Variants in PEBP4 observed in about 807,000 individuals in gnomAD.
PEBP4 encodes the protein phosphatidylethanolamine-binding protein 4.
Under a neutral mutation model 23.9 loss-of-function variants are expected in PEBP4, and 22 were observed. That is an observed-to-expected ratio of 0.92 (90% confidence interval 0.66 to 1.31). The LOEUF is 1.31. Among genes scored for constraint, PEBP4 ranks in the 40% most tolerant of loss-of-function variants. The probability of loss-of-function intolerance (pLI) is 0.00; values close to 1 mark genes in which losing one functional copy is unlikely to be tolerated. For missense variants in PEBP4, 324 were observed against 281.7 expected (o/e 1.15, Z -1.07); for synonymous variants, 112 against 99.3 (o/e 1.13, Z -0.76).
intron 4 of PEBP4, among the ~76,000 whole-genome samples, chr8:22,746,924 C>T (rs1218895441): frequency 6.6e-6 from 1 of 152,164 alleles, no homozygotes. Flanking sequence ...AATTACGGCT[C>T]AAGTGATCTT....
At chr8:22,811,885 C>G (rs1047017964) in intron 4 of PEBP4, among the ~76,000 whole-genome samples, 1 of 152,194 alleles carries the variant, frequency 6.6e-6, no homozygotes, top group Non-Finnish European at 1.5e-5. Flanking sequence ...GTCCAATTGT[C>G]TAAGGGAGTT....
intron 6 of PEBP4, among the ~76,000 whole-genome samples, chr8:22,715,564 G>T (rs1804399480): frequency 6.6e-6 from 1 of 152,238 alleles, no homozygotes; most frequent in Non-Finnish European, 1.5e-5. Context: ...CCCATCACGA[G>T]GCTGGGGCAA....
intron 4 of PEBP4, among the ~76,000 whole-genome samples, chr8:22,733,959 C>G (rs908473537): frequency 6.6e-6 from 1 of 151,918 alleles, no homozygotes; most frequent in Non-Finnish European, 1.5e-5. Context: ...AAACAGAGCA[C>G]TTGAGGGTGG....
At chr8:22,827,321 T>C (rs1042112682) in intron 3 of PEBP4, among the ~76,000 whole-genome samples, 8 of 152,176 alleles carry the variant, frequency 5.3e-5, no homozygotes, top group African/African-American at 1.9e-4. Context: ...TGCGCAACGA[T>C]CACCATAATC....
intron 3 of PEBP4, among the ~76,000 whole-genome samples, chr8:22,842,747 T>C (rs1807354338): frequency 6.6e-6 from 1 of 152,188 alleles, no homozygotes; most frequent in African/African-American, 2.4e-5. Context: ...GGCCCTGCAC[T>C]TAGAAGGGCA....
chr8:22,786,921 A>G (rs2128756177), intron 4 of PEBP4, among the ~76,000 whole-genome samples: 1 of 152,220 alleles, frequency 6.6e-6, no homozygotes, highest in East Asian at 1.9e-4. Context: ...CCAAGGCCCA[A>G]GTGATCCTCC....
intron 4 of PEBP4, among the ~76,000 whole-genome samples, chr8:22,773,590 C>A (rs929496173): frequency 2.0e-5 from 3 of 152,184 alleles, no homozygotes; most frequent in African/African-American, 7.2e-5. Flanking sequence ...GCTGCCTGCT[C>A]ATACCCGAAG....
intron 3 of PEBP4, among the ~76,000 whole-genome samples, chr8:22,864,239 C>A (rs1354152721): frequency 1.3e-5 from 2 of 152,206 alleles, no homozygotes; most frequent in African/African-American, 4.8e-5. Context: ...TGATTATAAA[C>A]AGGACAAACA....
chr8:22,838,185 G>C (rs1425008199), intron 3 of PEBP4, among the ~76,000 whole-genome samples: 2 of 152,212 alleles, frequency 1.3e-5, no homozygotes, highest in Non-Finnish European at 2.9e-5. Flanking sequence ...ATACATGTGA[G>C]CCACCTGCCT....
chr8:22,901,769 G>A (rs994557018), intron 3 of PEBP4, among the ~76,000 whole-genome samples: 3 of 152,184 alleles, frequency 2.0e-5, no homozygotes, highest in Non-Finnish European at 4.4e-5. Flanking sequence ...TGTACTTAGC[G>A]AGGGCACCGT....
intron 4 of PEBP4, among the ~76,000 whole-genome samples, chr8:22,773,538 G>A (rs1271742842): frequency 6.6e-6 from 1 of 152,090 alleles, no homozygotes; most frequent in African/African-American, 2.4e-5. Context: ...TGTCTCCTGG[G>A]GGCCTTTTCC....
At chr8:22,879,827 A>G (rs1274010279) in intron 3 of PEBP4, among the ~76,000 whole-genome samples, 4 of 152,256 alleles carry the variant, frequency 2.6e-5, no homozygotes, top group Non-Finnish European at 5.9e-5. Context: ...AGTTTTAATT[A>G]CCAAAATTTC....
chr8:22,865,796 G>A lies in PEBP4; in HGVS notation c.259-48061C>T, dbSNP rs1163959490. On this transcript the variant is annotated intron_variant, in intron 3 of 6. Coordinates refer to ENST00000256404, the MANE Select transcript of PEBP4 (RefSeq NM_144962.3). The surrounding 1 kb of genome is among the most constrained non-coding windows in gnomAD (Gnocchi z 6.9). The stretch of plus-strand genomic sequence containing the variant: ...GAGATCGGCGGCCACTCCCGGGGGC[G>A]CGAGCGGCGGCGCCTAGAGGGACCC... 6.6e-6 allele frequency among the ~76,000 whole-genome samples: 1 copy of A among 152,106 alleles called. No individual in the cohort carries two copies. Among genetic ancestry groups the A allele is most frequent in the African/African-American group, 2.4e-5 (1 of 41,446 alleles).
At chr8:22,866,984 G>A (rs1243087450) in intron 3 of PEBP4, among the ~76,000 whole-genome samples, 1 of 152,148 alleles carries the variant, frequency 6.6e-6, no homozygotes, top group East Asian at 1.9e-4. Context: ...ATCGGCAGGA[G>A]CATAGAGGCG....
chr8:22,743,357 G>A (rs1805040014), intron 4 of PEBP4, among the ~76,000 whole-genome samples: 3 of 152,252 alleles, frequency 2.0e-5, no homozygotes, highest in Non-Finnish European at 1.5e-5. Flanking sequence ...AGCTCTTGCT[G>A]GAGCCTCTAA....
chr8:22,821,535 G>C (rs543385837), intron 3 of PEBP4, among the ~76,000 whole-genome samples: 1 of 152,264 alleles, frequency 6.6e-6, no homozygotes, highest in East Asian at 1.9e-4. Context: ...GAAATCAACA[G>C]GGAGAGATGC....
rs1563252543 is a variant in PEBP4, at chr8:22,895,319, G to A, written c.258+24865C>T. The A allele has an allele frequency of 3.3e-5, 5 of 152,278 alleles. No homozygotes were observed. In the South Asian group the frequency reaches 1.0e-3, roughly 32 times the overall value. 9.4% of individuals were successfully genotyped at this position (152,278 alleles called of 1,614,324 possible). A position where few individuals can be genotyped will look rare whatever the true frequency, so the allele number is the denominator to read the frequency against. On this transcript the variant is annotated intron_variant, in intron 3 of 6. Coordinates refer to ENST00000256404, the MANE Select transcript of PEBP4 (RefSeq NM_144962.3). ...TATAAAGCAAGGAATCTTAATACCT[G>A]GAGAGGCATAATAATGTTGGGGTGG... is the stretch of plus-strand genomic sequence containing the variant.
At chr8:22,903,067 C>T (rs1056633462) in intron 3 of PEBP4, among the ~76,000 whole-genome samples, 5 of 152,182 alleles carry the variant, frequency 3.3e-5, no homozygotes, top group Non-Finnish European at 7.3e-5. Flanking sequence ...TCAGGTACAA[C>T]CTGAAACTTG....
intron 3 of PEBP4, among the ~76,000 whole-genome samples, chr8:22,859,366 C>G (rs1256138041): frequency 6.6e-6 from 1 of 152,208 alleles, no homozygotes; most frequent in Non-Finnish European, 1.5e-5. Context: ...TCAGACTCAT[C>G]AGGCTGGAAT....
Sources: allele counts gnomAD v4.1 joint callset (sites outside exome capture counted in the v4.1 genomes callset), GRCh38; gene constraint gnomAD v4.1.1; non-coding constraint Gnocchi (gnomAD v3.1); transcripts MANE v1.5; gene names NCBI Gene and HGNC (gene_info 2026-07-23, HGNC 2026-07-21).